SOD2: variants seen among roughly 807,000 people sequenced by gnomAD.
The protein encoded by SOD2 is superoxide dismutase 2.
In SOD2, 11 loss-of-function variants were observed where a neutral mutation model predicts 27.0. The observed-to-expected ratio is 0.41, with a 90% CI of 0.26 to 0.67. The LOEUF is 0.67. Ranked by LOEUF, SOD2 falls within the 30% of genes least tolerant of loss-of-function variation. The pLI, the probability that SOD2 is intolerant of heterozygous loss-of-function variation, is 0.34. For synonymous variants in SOD2, 105 were observed against 103.0 expected (o/e 1.02, Z -0.12); for missense variants, 250 against 274.5 (o/e 0.91, Z 0.63).
At chr6:159,712,513 T>A (rs71191611) in intron 1 of SOD2, among the ~76,000 whole-genome samples, 83 of 109,564 alleles carry the variant, frequency 7.6e-4, no homozygotes, top group Non-Finnish European at 1.4e-3. Context: ...ACCACCTCCA[T>A]AACCACCACT....
Position 159,677,369 on chromosome 6 carries a change from CAATG to C in SOD2, c.*5120_*5123del, listed in dbSNP as rs1779801915. ...AGCACTCTCATTACTGTAAAGCCCA[CAATG>C]AATAGCAGACAGCATGACTTCACCC... On this transcript the variant is annotated 3_prime_UTR_variant, in exon 5 of 5. Transcript: ENST00000538183. 1 of 152,150 alleles carries C rather than the reference CAATG, an allele frequency of 6.6e-6. No individual in the cohort carries two copies. The highest frequency in any genetic ancestry group is 2.4e-5 in the African/African-American group (1 of 41,416). The allele number at this position is 152,150 out of a possible 1,614,324, so 9.4% of individuals were successfully genotyped here.
At chr6:159,757,044 T>C (rs73022785) in intron 1 of SOD2, among the ~76,000 whole-genome samples, 4,221 of 152,300 alleles carry the variant, frequency 0.028, 94 homozygotes, top group African/African-American at 0.056. Context: ...GGTAATATTA[T>C]ATGAGTAAGG....
chr6:159,706,020 C>T (rs1326724041), intron 1 of SOD2, among the ~76,000 whole-genome samples: 5 of 152,128 alleles, frequency 3.3e-5, no homozygotes, highest in Non-Finnish European at 5.9e-5. Flanking sequence ...CCAAACTAAG[C>T]TTCATAAGTG....
chr6:159,696,832 A>G, upstream of SOD2, among the ~76,000 whole-genome samples: 1 of 152,090 alleles, frequency 6.6e-6, no homozygotes, highest in African/African-American at 2.4e-5. Context: ...GCTTGAGGCC[A>G]GGAGTTTGAG....
upstream of SOD2, chr6:159,727,604 G>C (rs1778270873): frequency 2.0e-6 from 2 of 986,560 alleles, no homozygotes; most frequent in Non-Finnish European, 2.4e-6. Flanking sequence ...CGGCAGAGCT[G>C]TCCGGCTGCG....
chr6:159,700,809 GTC>G (rs1751910232), intron 1 of SOD2, among the ~76,000 whole-genome samples: 2 of 152,040 alleles, frequency 1.3e-5, no homozygotes, highest in Admixed American at 1.3e-4. Flanking sequence ...TAAATGTCTG[GTC>G]TCTGGGACAT....
At chr6:159,692,439 G>C in intron 2 of SOD2, 1 of 1,402,890 alleles carries the variant, frequency 7.1e-7, no homozygotes. Flanking sequence ...AGGACCCCAA[G>C]TTCCCTGAGA....
chr6:159,711,004 C>T (rs866062044), intron 1 of SOD2, among the ~76,000 whole-genome samples: 805 of 70,226 alleles, frequency 0.011, 5 homozygotes, highest in Non-Finnish European at 0.017. Flanking sequence ...ACTGCTCTGA[C>T]CTCCATAACC....
chr6:159,724,271 C>T (rs1778096957), intron 1 of SOD2, among the ~76,000 whole-genome samples: 1 of 152,192 alleles, frequency 6.6e-6, no homozygotes, highest in Non-Finnish European at 1.5e-5. Flanking sequence ...GGATTACAGG[C>T]ATCAGCCACC....
chr6:159,726,797 G>C, intron 1 of SOD2: 1 of 1,289,222 alleles, frequency 7.8e-7, no homozygotes, highest in Non-Finnish European at 1.0e-6. Context: ...CCAGGAGACT[G>C]CGCCTCACGA....
At chr6:159,725,241 G>A (rs1439285975) in intron 1 of SOD2, among the ~76,000 whole-genome samples, 2 of 152,134 alleles carry the variant, frequency 1.3e-5, no homozygotes, top group Admixed American at 1.3e-4. Context: ...CACTTTGGGA[G>A]GCCAACCTGC....
In SOD2 at chr6:159,678,377, A is replaced by C. The variant is rs1394850929; in HGVS notation, c.*4116T>G. 1 of 152,102 alleles carries C rather than the reference A, an allele frequency of 6.6e-6. No homozygotes were observed. Among genetic ancestry groups the C allele is most frequent in the Non-Finnish European group, 1.5e-5 (1 of 68,026 alleles). The allele number at this position is 152,102 out of a possible 1,614,324, so 9.4% of individuals were successfully genotyped here. ...CCCCATCTCTACTAAAAATACAAAAATTAGCTGGGCATGGTGGTGCACACT... is the reference window on the plus strand; with the variant it reads ...CCCCATCTCTACTAAAAATACAAAACTTAGCTGGGCATGGTGGTGCACACT... On this transcript the variant is annotated 3_prime_UTR_variant, in exon 5 of 5. Transcript: ENST00000538183.
chr6:159,689,983 G>C (rs1156633674), intron 2 of SOD2, among the ~76,000 whole-genome samples: 3 of 148,786 alleles, frequency 2.0e-5, no homozygotes, highest in African/African-American at 7.4e-5. Flanking sequence ...GAAAGAGAAA[G>C]AAAAAAACAT....
chr6:159,687,139 G>A (rs1233481077), intron 3 of SOD2, among the ~76,000 whole-genome samples: 1 of 152,110 alleles, frequency 6.6e-6, no homozygotes, highest in Non-Finnish European at 1.5e-5. Flanking sequence ...GATGAAAAAA[G>A]GTACAGACGG....
At chr6:159,750,055 G>C (rs1779762928), upstream of SOD2, among the ~76,000 whole-genome samples, 1 of 152,158 alleles carries the variant, frequency 6.6e-6, no homozygotes, top group Admixed American at 6.5e-5. Context: ...TTGTGGGGCA[G>C]AGGGTGGGTT....
At position 159,689,065 on chromosome 6, in the gene SOD2, G is replaced by A. The variant is rs529602840; in HGVS notation, c.227-823C>T. Among the ~76,000 whole-genome samples, 5 of 152,224 alleles carry A rather than the reference G, an allele frequency of 3.3e-5. No individual in the cohort carries two copies. The South Asian group carries it at 6.2e-4, about 19-fold the overall frequency. ...CAAAGGCTCCCCTTCTCACTGGAGC[G>A]AACCCTAGGTGTTTACACTCAGCTA... On this transcript the variant is annotated intron_variant, in intron 2 of 4. Transcript: ENST00000538183.
At chr6:159,727,149 GC>G in exon 1 of SOD2, 1 of 1,195,526 alleles carries the variant, frequency 8.4e-7, no homozygotes, top group Non-Finnish European at 1.1e-6. Context: ...GAGCTCCGGG[GC>G]CCGCGGAGCT....
upstream of SOD2, among the ~76,000 whole-genome samples, chr6:159,731,161 A>G (rs2114871269): frequency 6.6e-6 from 1 of 151,018 alleles, no homozygotes; most frequent in African/African-American, 2.4e-5. Flanking sequence ...AAAAAAGAAA[A>G]GAAATTTCAA....
chr6:159,754,594 A>G (rs1583110799), intron 1 of SOD2, among the ~76,000 whole-genome samples: 1 of 152,204 alleles, frequency 6.6e-6, no homozygotes, highest in African/African-American at 2.4e-5. Context: ...AAATGATGTC[A>G]TATTTACATA....
Sources: allele counts gnomAD v4.1 joint callset (sites outside exome capture counted in the v4.1 genomes callset), GRCh38; gene constraint gnomAD v4.1.1; transcripts MANE v1.5; gene names NCBI Gene and HGNC (gene_info 2026-07-23, HGNC 2026-07-21).